The following PCDH15 variants were observed in gnomAD, a reference collection of about 807,000 sequenced individuals.
PCDH15 encodes the protein protocadherin-15.
In PCDH15, 129 loss-of-function variants were observed where a neutral mutation model predicts 178.5. The ratio of observed to expected loss-of-function variants is 0.72; its 90% CI spans 0.63 to 0.84. The LOEUF is 0.84. Among genes scored for constraint, PCDH15 ranks in the 40% least tolerant of loss-of-function variants. The pLI, the probability that PCDH15 is intolerant of heterozygous loss-of-function variation, is 0.00. For missense variants in PCDH15, 2,230 were observed against 2,099.9 expected (o/e 1.06, Z -1.21); for synonymous variants, 800 against 732.0 (o/e 1.09, Z -1.50).
intron 8 of PCDH15, among the ~76,000 whole-genome samples, chr10:54,257,073 A>ATAGT (rs1429755630): frequency 6.6e-6 from 1 of 151,970 alleles, no homozygotes; most frequent in Non-Finnish European, 1.5e-5. Context: ...AGATAGATAG[A>ATAGT]TAGATAGATA....
chr10:54,572,235 CCTG>C (rs2089937136), intron 2 of PCDH15, among the ~76,000 whole-genome samples: 1 of 151,980 alleles, frequency 6.6e-6, no homozygotes, highest in South Asian at 2.1e-4. Flanking sequence ...TTATTGAGTA[CCTG>C]CTATGTGTTA....
chr10:55,135,257 T>C (rs555643626), intron 2 of PCDH15, among the ~76,000 whole-genome samples: 1 of 152,292 alleles, frequency 6.6e-6, no homozygotes, highest in South Asian at 2.1e-4. Flanking sequence ...ACAACGGATC[T>C]GACTCTATTT....
At chr10:55,132,664 T>C (rs1838085847) in intron 2 of PCDH15, among the ~76,000 whole-genome samples, 1 of 152,138 alleles carries the variant, frequency 6.6e-6, no homozygotes, top group Non-Finnish European at 1.5e-5. Context: ...GAAATACAAA[T>C]CCAAGTATTT....
At chr10:54,582,585 T>C (rs190274472) in intron 2 of PCDH15, among the ~76,000 whole-genome samples, 1 of 152,168 alleles carries the variant, frequency 6.6e-6, no homozygotes, top group East Asian at 1.9e-4. Context: ...ATATGAAATA[T>C]AAATGTACAC....
chr10:54,803,938 T>A (rs1237232238), upstream of PCDH15, among the ~76,000 whole-genome samples: 1 of 152,184 alleles, frequency 6.6e-6, no homozygotes, highest in African/African-American at 2.4e-5. Context: ...AATGGATATA[T>A]AAATTTCATT....
intron 1 of PCDH15, among the ~76,000 whole-genome samples, chr10:54,792,802 T>A (rs1951546515): frequency 4.0e-5 from 6 of 151,846 alleles, no homozygotes; most frequent in African/African-American, 1.4e-4. Context: ...CTATCTAATT[T>A]CCTATTCATT....
rs886889521 is a variant in PCDH15, at chr10:54,345,541, TA to T, written c.594+823del. On this transcript the variant is annotated intron_variant, in intron 6 of 37. Coordinates refer to ENST00000644397, the MANE Select transcript of PCDH15 (RefSeq NM_001384140.1). ...CAAGGCTTCCAGCTCTAGCTTCAGT[TA>T]AAAAAAATCTTACTTTGTCTGTTTT... 4.6e-5 allele frequency among the ~76,000 whole-genome samples: 7 copies of T among 151,768 alleles called. No individual in the cohort carries two copies. The South Asian group carries it at 8.3e-4, about 18-fold the overall frequency.
At chr10:55,154,115 T>C (rs934162548) in intron 2 of PCDH15, among the ~76,000 whole-genome samples, 2 of 152,140 alleles carry the variant, frequency 1.3e-5, no homozygotes, top group African/African-American at 4.8e-5. Context: ...TTGAAGTACA[T>C]TATTTGTACA....
Position 53,927,184 on chromosome 10 carries a change from T to C in PCDH15, c.3373+11631A>G, listed in dbSNP as rs1484447996. Among the ~76,000 whole-genome samples the C allele has an allele frequency of 2.0e-4, 31 of 151,344 alleles. 1 individual carries two copies. Among genetic ancestry groups the C allele is most frequent in the Admixed American group, 2.0e-3 (30 of 15,176 alleles). ...TGTGTGTGTGTGTGAATGTTAACAT[T>C]AGTCAAAGAGTAAGAAGAATTACAA... On this transcript the variant is annotated intron_variant, in intron 25 of 37. Coordinates refer to ENST00000644397, the MANE Select transcript of PCDH15 (RefSeq NM_001384140.1).
chr10:55,044,061 C>T (rs1032011542), intron 2 of PCDH15, among the ~76,000 whole-genome samples: 1 of 152,098 alleles, frequency 6.6e-6, no homozygotes, highest in African/African-American at 2.4e-5. Flanking sequence ...TTAAAAGTCC[C>T]TCTGATCAGA....
intron 2 of PCDH15, among the ~76,000 whole-genome samples, chr10:55,577,950 G>C (rs879618081): frequency 6.6e-6 from 1 of 150,720 alleles, no homozygotes; most frequent in African/African-American, 2.4e-5. Context: ...GTTAAAGTTA[G>C]GAGAGAGAGA....
At chr10:54,359,459 C>A (rs2795937) in intron 5 of PCDH15, among the ~76,000 whole-genome samples, 17,314 of 151,852 alleles carry the variant, frequency 0.11, 1,742 homozygotes, top group African/African-American at 0.27. Context: ...AAATTGTTCT[C>A]ATATTATTTA....
chr10:54,381,975 G>A (rs1949290413), intron 3 of PCDH15, among the ~76,000 whole-genome samples: 1 of 151,930 alleles, frequency 6.6e-6, no homozygotes, highest in African/African-American at 2.4e-5. Flanking sequence ...AAGAGAAAAG[G>A]CATTTCTACT....
At chr10:54,697,050 C>A (rs2095238760) in intron 1 of PCDH15, among the ~76,000 whole-genome samples, 1 of 152,056 alleles carries the variant, frequency 6.6e-6, no homozygotes, top group African/African-American at 2.4e-5. Flanking sequence ...GCTGGGATTA[C>A]AAATGCACAT....
At chr10:54,295,870 C>T (rs1175842217) in intron 8 of PCDH15, among the ~76,000 whole-genome samples, 8 of 152,058 alleles carry the variant, frequency 5.3e-5, no homozygotes, top group South Asian at 4.1e-4. Flanking sequence ...GGTGGCCGGG[C>T]GCGGTGGCTC....
At chr10:53,913,743 C>CAA (rs547274977) in intron 25 of PCDH15, among the ~76,000 whole-genome samples, 1 of 131,408 alleles carries the variant, frequency 7.6e-6, no homozygotes, top group Non-Finnish European at 1.6e-5. Flanking sequence ...GACTCTGTCT[C>CAA]AAAAAAAAAC....
chr10:55,300,712 T>G (rs570653129), intron 1 of PCDH15, among the ~76,000 whole-genome samples: 1 of 152,270 alleles, frequency 6.6e-6, no homozygotes, highest in Non-Finnish European at 1.5e-5. Context: ...TATGAGAAAT[T>G]TTTATATCAC....
chr10:55,311,138 A>G (rs537855576), intron 1 of PCDH15, among the ~76,000 whole-genome samples: 2 of 152,372 alleles, frequency 1.3e-5, no homozygotes, highest in East Asian at 3.9e-4. Context: ...TTAGGAGATC[A>G]TTAACACACT....
chr10:54,313,755 T>C (rs140979602), intron 8 of PCDH15, among the ~76,000 whole-genome samples: 387 of 152,290 alleles, frequency 2.5e-3, no homozygotes, highest in Non-Finnish European at 4.4e-3. Flanking sequence ...CTAGACATTA[T>C]GATCACTTAC....
Sources: gnomAD v4.1 joint callset for allele counts (sites outside exome capture counted in the v4.1 genomes callset) on GRCh38, gnomAD v4.1.1 for gene constraint, MANE v1.5 for transcripts, NCBI Gene and HGNC (gene_info 2026-07-23, HGNC 2026-07-21) for gene names.